CHN2: variants seen among roughly 807,000 people sequenced by gnomAD.
The protein encoded by CHN2 is chimerin 2, also known as beta-chimaerin.
CHN2 carries 35 observed loss-of-function variants against 56.3 expected under a neutral mutation model. The ratio of observed to expected loss-of-function variants is 0.62; its 90% CI spans 0.47 to 0.82. The LOEUF is 0.82. Ranked by LOEUF, CHN2 falls within the 40% of genes least tolerant of loss-of-function variation. CHN2 has a pLI of 0.00. For synonymous variants in CHN2, 210 were observed against 212.8 expected (o/e 0.99, Z 0.12); for missense variants, 491 against 580.5 (o/e 0.85, Z 1.58).
chr7:29,481,809 G>A (rs553771769), intron 7 of CHN2, among the ~76,000 whole-genome samples: 2 of 151,718 alleles, frequency 1.3e-5, no homozygotes, highest in African/African-American at 2.4e-5. Context: ...GGATCTTCAT[G>A]GACTTGTAAA....
At chr7:29,273,343 G>GTATATATATATA (rs55722880) in intron 1 of CHN2, among the ~76,000 whole-genome samples, 8 of 58,188 alleles carry the variant, frequency 1.4e-4, no homozygotes, top group Non-Finnish European at 2.4e-4. Context: ...ATATATATGT[G>GTATATATATATA]TATATATATA....
At chr7:29,308,648 G>T (rs968247174) in intron 1 of CHN2, among the ~76,000 whole-genome samples, 4 of 152,322 alleles carry the variant, frequency 2.6e-5, no homozygotes, top group Admixed American at 6.5e-5. Flanking sequence ...GGCCTGGAAT[G>T]AACATCACCT....
chr7:29,347,574 C>T (rs10276415), intron 1 of CHN2, among the ~76,000 whole-genome samples: 35,290 of 151,950 alleles, frequency 0.23, 4,641 homozygotes, highest in Non-Finnish European at 0.3. Flanking sequence ...GAAAACTCAC[C>T]CACTATCATC....
chr7:29,169,644 C>T (rs1796342565), intron 2 of CHN2, among the ~76,000 whole-genome samples: 1 of 152,050 alleles, frequency 6.6e-6, no homozygotes, highest in Non-Finnish European at 1.5e-5. Context: ...TCTGCCTTTT[C>T]ATGTCCTATG....
intron 6 of CHN2, among the ~76,000 whole-genome samples, chr7:29,459,061 G>T (rs1203566519): frequency 6.6e-6 from 1 of 152,176 alleles, no homozygotes; most frequent in African/African-American, 2.4e-5. Flanking sequence ...ACCAGTTCCT[G>T]GTTCCCTTTT....
chr7:29,491,391 T>G (rs933675335), intron 7 of CHN2, among the ~76,000 whole-genome samples: 3 of 150,790 alleles, frequency 2.0e-5, no homozygotes, highest in African/African-American at 5.0e-5. Context: ...AACCTATATT[T>G]CTTTTTCCCT....
intron 1 of CHN2, among the ~76,000 whole-genome samples, chr7:29,347,225 G>A (rs1243290923): frequency 1.3e-5 from 2 of 152,008 alleles, no homozygotes; most frequent in African/African-American, 4.8e-5. Flanking sequence ...TATTTTGAAG[G>A]CCATTTTAAA....
In CHN2 at chr7:29,267,241, T is replaced by C. The variant is rs1323399688; in HGVS notation, c.49+72251T>C. The stretch of plus-strand genomic sequence containing the variant: ...TTAGGCACTAAGTGCATATTTCTTT[T>C]TTTTTTTTTTAATTTTTTTGAGACA... On this transcript the variant is annotated intron_variant, in intron 1 of 12. Transcript: ENST00000222792. Among the ~76,000 whole-genome samples the C allele has an allele frequency of 5.9e-5, 9 of 151,702 alleles. No individual in the cohort carries two copies. In the East Asian group the frequency reaches 1.7e-3, roughly 29 times the overall value.
At chr7:29,227,523 C>A (rs1328575860) in intron 1 of CHN2, among the ~76,000 whole-genome samples, 1 of 152,156 alleles carries the variant, frequency 6.6e-6, no homozygotes, top group East Asian at 1.9e-4. Flanking sequence ...CCAGCTTCGC[C>A]CAGAACCTCA....
intron 2 of CHN2, among the ~76,000 whole-genome samples, chr7:29,176,502 C>T (rs1385523341): frequency 6.6e-6 from 1 of 152,116 alleles, no homozygotes; most frequent in African/African-American, 2.4e-5. Context: ...TAACTGTCAG[C>T]TTGAATCCTA....
At chr7:29,249,587 G>A (rs559101591) in intron 1 of CHN2, among the ~76,000 whole-genome samples, 26 of 152,274 alleles carry the variant, frequency 1.7e-4, no homozygotes, top group Admixed American at 1.6e-3. Context: ...ACACCTAACC[G>A]TCACAACCCG....
chr7:29,221,485 G>A (rs553349705), intron 1 of CHN2, among the ~76,000 whole-genome samples: 32 of 152,028 alleles, frequency 2.1e-4, no homozygotes, highest in East Asian at 7.7e-4. Context: ...TTTAAGTTCC[G>A]GGATGTATGT....
intron 1 of CHN2, among the ~76,000 whole-genome samples, chr7:29,296,164 A>C (rs1171013912): frequency 6.6e-6 from 1 of 150,858 alleles, no homozygotes; most frequent in Non-Finnish European, 1.5e-5. Context: ...GCTCACTGCA[A>C]CCTCCACCTC....
At chr7:29,388,642 C>T (rs780332833) in intron 3 of CHN2, among the ~76,000 whole-genome samples, 10 of 152,136 alleles carry the variant, frequency 6.6e-5, no homozygotes, top group African/African-American at 1.2e-4. Flanking sequence ...CAGAGCCTGC[C>T]GTCTTAACCC....
In CHN2 at chr7:29,498,758, CTTTTTTTTTTT is replaced by C. The variant is rs138784356; in HGVS notation, c.740-1098_740-1088del. Among the ~76,000 whole-genome samples, 271 of 100,080 alleles carry C rather than the reference CTTTTTTTTTTT, an allele frequency of 2.7e-3. 2 individuals are homozygous for C. Among genetic ancestry groups the C allele is most frequent in the Non-Finnish European group, 3.5e-3 (188 of 53,842 alleles). The allele number at this position is 100,080 out of a possible 152,430, so 65.7% of individuals were successfully genotyped here. On this transcript the variant is annotated intron_variant, in intron 8 of 12. Transcript: ENST00000222792. ...TGTAGCAGAATGTAGACTATGCTGCCTTTTTTTTTTTTTTTTTTTTTGGAGACAGAGTCTCC... is the reference window on the plus strand; with the variant it reads ...TGTAGCAGAATGTAGACTATGCTGCCTTTTTTTTTTGGAGACAGAGTCTCC...
chr7:29,164,387 A>C (rs1464915621), intron 2 of CHN2, among the ~76,000 whole-genome samples: 1 of 152,198 alleles, frequency 6.6e-6, no homozygotes. Flanking sequence ...TATAAAATGC[A>C]AACCCTTCAT....
intron 2 of CHN2, among the ~76,000 whole-genome samples, chr7:29,355,346 A>G (rs989844897): frequency 2.0e-5 from 3 of 152,118 alleles, no homozygotes; most frequent in East Asian, 1.9e-4. Context: ...TTTTTGGCCA[A>G]TCATTCTAAG....
At chr7:29,314,480 C>G (rs1378918615) in intron 1 of CHN2, among the ~76,000 whole-genome samples, 2 of 152,158 alleles carry the variant, frequency 1.3e-5, no homozygotes, top group Non-Finnish European at 2.9e-5. Flanking sequence ...GTCAATGTAC[C>G]TAACGCTACT....
At chr7:29,427,341 T>C (rs936558313) in intron 6 of CHN2, among the ~76,000 whole-genome samples, 4 of 152,094 alleles carry the variant, frequency 2.6e-5, no homozygotes, top group Non-Finnish European at 4.4e-5. Context: ...AAAGGATTCA[T>C]GATTATCCAC....
Sources: gnomAD v4.1 joint callset for allele counts (sites outside exome capture counted in the v4.1 genomes callset) on GRCh38, gnomAD v4.1.1 for gene constraint, MANE v1.5 for transcripts, NCBI Gene and HGNC (gene_info 2026-07-23, HGNC 2026-07-21) for gene names.